CAMTA2: variants seen among roughly 807,000 people sequenced by gnomAD.
CAMTA2 encodes calmodulin-binding transcription activator 2.
A neutral mutation model predicts 135.7 loss-of-function variants in CAMTA2; 56 were observed. The observed-to-expected ratio is 0.41, with a 90% CI of 0.33 to 0.52. The LOEUF (loss-of-function observed/expected upper bound fraction) is 0.52, where lower values mean the gene tolerates loss of function less well. Ranked by LOEUF, CAMTA2 falls within the 20% of genes least tolerant of loss-of-function variation. CAMTA2 has a pLI of 0.16. For synonymous variants in CAMTA2, 591 were observed against 604.6 expected, an observed-to-expected ratio of 0.98 and a Z score of 0.33; for missense variants, 1,358 against 1,553.4, an observed-to-expected ratio of 0.87 and a Z score of 2.11.
chr17:4,976,638 T>A (rs1597748119), intron 11 of CAMTA2, among the ~76,000 whole-genome samples: 1 of 151,954 alleles, frequency 6.6e-6, no homozygotes, highest in South Asian at 2.1e-4. Context: ...GAGGTGGAGG[T>A]TGCAGTGACC....
intron 15 of CAMTA2, 64 bp from the exon 16 acceptor site, chr17:4,972,600 T>C (rs1972365714): frequency 6.5e-7 from 1 of 1,533,968 alleles, no homozygotes; most frequent in African/African-American, 1.4e-5. Flanking sequence ...TCAAGTCTCC[T>C]GCCTTCCCCA....
At position 4,969,161 on chromosome 17, in the gene CAMTA2, A is replaced by T; in HGVS notation, c.3459T>A (p.Pro1153=). The part of the protein sequence containing the change: ...GPPHRTSATL[P]ARNKGSFLTK... ...GGGCTGGGCCCTACTTGTTGCGGGC[A>T]GGCAGGGTGGCCGAAGTCCGGTGGG... The change falls in exon 21 of 23, where the codon CCT becomes CCA. Residue 1153 remains proline, a synonymous_variant. Transcript: ENST00000348066. This position sits in a 1 kb window ranked among gnomAD's most constrained non-coding sequence, Gnocchi z 5.6. 6.2e-7 allele frequency: 1 copy of T among 1,607,526 alleles called. No individual in the cohort carries two copies. The highest frequency in any genetic ancestry group is 8.5e-7 in the Non-Finnish European group (1 of 1,178,226).
chr17:4,980,230 A>G lies in CAMTA2; in HGVS notation c.1092T>C (p.Pro364=). The part of the protein sequence containing the change: ...MSLAVVVGTE[P]SAPPAPPSPA... ...GACTGGGAGGAGCTGGTGGGGCAGA[A>G]GGCTCAGTGCCTACAACCACTGCCA... Residue 364 remains proline, a synonymous_variant, in exon 9 of 23, where the codon CCT becomes CCC. Transcript: ENST00000348066. The surrounding 1 kb of genome is among the most constrained non-coding windows in gnomAD (Gnocchi z 5.3). 1 of 1,577,592 alleles carries G rather than the reference A, an allele frequency of 6.3e-7. No homozygotes were observed. Among genetic ancestry groups the G allele is most frequent in the Non-Finnish European group, 8.6e-7 (1 of 1,160,572 alleles).
chr17:4,986,986 C>A, intron 1 of CAMTA2: 2 of 1,470,272 alleles, frequency 1.4e-6, no homozygotes, highest in Non-Finnish European at 1.8e-6. Context: ...GCCTGAGCCC[C>A]CCGCCCTCCT....
Position 4,969,831 on chromosome 17 carries a change from CA to C in CAMTA2, c.3189+70del. The C allele has an allele frequency of 6.3e-7, 1 of 1,597,050 alleles. No individual in the cohort carries two copies. Among genetic ancestry groups the C allele is most frequent in the Non-Finnish European group, 8.6e-7 (1 of 1,167,228 alleles). On this transcript the variant is annotated intron_variant, in intron 18 of 22. Transcript: ENST00000348066. The surrounding 1 kb of genome is among the most constrained non-coding windows in gnomAD (Gnocchi z 5.6). ...CCTGTCTGCACGACTACTCATCCTC[CA>C]AAAGCCCTGGGAGCCCAGTCTCCCC...
In CAMTA2 at chr17:4,968,489, C is replaced by A; in HGVS notation, c.*267G>T. On this transcript the variant is annotated 3_prime_UTR_variant, in exon 23 of 23. Coordinates refer to ENST00000348066, the MANE Select transcript of CAMTA2 (RefSeq NM_015099.4). ...GGAGGAGCTGGGGAGCAGGGGCAGG[C>A]AGGGCTCCGGAGGTCACAGCGGAAG... 1.8e-6 allele frequency: 1 copy of A among 564,826 alleles called. No individual in the cohort carries two copies. The highest frequency in any genetic ancestry group is 3.2e-6 in the Non-Finnish European group (1 of 315,362). The allele number at this position is 564,826 out of a possible 1,614,324, so 35.0% of individuals were successfully genotyped here. A position where few individuals can be genotyped will look rare whatever the true frequency, so the allele number is the denominator to read the frequency against.
Position 4,979,679 on chromosome 17 carries a change from C to G in CAMTA2, c.1638+5G>C. ...GAGGAGGGAGGAGGTAAGCCTGAGT[C>G]TCACCTCTGGGTAGGACCACTCTGG... On this transcript the variant is annotated splice_donor_5th_base_variant and intron_variant, in intron 9 of 22. Transcript: ENST00000348066. 1 of 1,601,528 alleles carries G rather than the reference C, an allele frequency of 6.2e-7. No individual in the cohort carries two copies. The highest frequency in any genetic ancestry group is 8.5e-7 in the Non-Finnish European group (1 of 1,170,530).
chr17:4,986,017 T>G lies in CAMTA2; in HGVS notation c.32-34A>C, dbSNP rs1284063954. On this transcript the variant is annotated intron_variant, in intron 2 of 22. Coordinates refer to ENST00000348066, the MANE Select transcript of CAMTA2 (RefSeq NM_015099.4). ...AATTAGAAGGGAGGGTTTAGTGTGC[T>G]ACCCTGGGGCATCCCTGTGATAGTC... The G allele has an allele frequency of 6.2e-6, 9 of 1,453,966 alleles. No homozygotes were observed. The African/African-American group carries it at 8.4e-5, about 14-fold the overall frequency. The allele number at this position is 1,453,966 out of a possible 1,614,324, so 90.1% of individuals were successfully genotyped here.
chr17:4,984,097 C>T (rs1387807533), intron 3 of CAMTA2, among the ~76,000 whole-genome samples: 3 of 152,098 alleles, frequency 2.0e-5, no homozygotes, highest in African/African-American at 2.4e-5. Context: ...ACTACAGGCG[C>T]CCACGACCAC....
At position 4,968,245 on chromosome 17, in the gene CAMTA2, CCT is replaced by C. The variant is rs1218538441; in HGVS notation, c.*509_*510del. Reference sequence around the variant, plus strand: ...CTATGTACACCACCTCCCCTTCGGCCCTGAGGTCAGTGGCCAGAGTCGGGTGA... The same window carrying C: ...CTATGTACACCACCTCCCCTTCGGCCGAGGTCAGTGGCCAGAGTCGGGTGA... On this transcript the variant is annotated 3_prime_UTR_variant, in exon 23 of 23. Transcript: ENST00000348066. 7.7e-6 allele frequency: 2 copies of C among 261,100 alleles called. No homozygotes were observed. Among genetic ancestry groups the C allele is most frequent in the Admixed American group, 1.0e-4 (2 of 19,948 alleles). 16.2% of individuals were successfully genotyped at this position (261,100 alleles called of 1,614,324 possible). A position where few individuals can be genotyped will look rare whatever the true frequency, so the allele number is the denominator to read the frequency against.
intron 11 of CAMTA2, 138 bp downstream of exon 11, chr17:4,976,920 T>C: frequency 1.3e-6 from 1 of 788,486 alleles, no homozygotes; most frequent in Non-Finnish European, 2.0e-6. Flanking sequence ...TAGAAATCAC[T>C]AATGAAATAG....
intron 11 of CAMTA2, among the ~76,000 whole-genome samples, chr17:4,976,029 G>A (rs1243133288): frequency 2.0e-5 from 3 of 151,592 alleles, no homozygotes; most frequent in African/African-American, 7.3e-5. Context: ...TTTTTGAGAC[G>A]GAGTCTCGCT....
chr17:4,968,567 G>A lies in CAMTA2; in HGVS notation c.*189C>T. 3.2e-6 allele frequency: 2 copies of A among 634,550 alleles called. No individual in the cohort carries two copies. The highest frequency in any genetic ancestry group is 2.8e-6 in the Non-Finnish European group (1 of 361,670). The allele number at this position is 634,550 out of a possible 1,614,324, so 39.3% of individuals were successfully genotyped here. On this transcript the variant is annotated 3_prime_UTR_variant, in exon 23 of 23. Transcript: ENST00000348066. ...TGGAGCCAGGACCAAAAGAGACGGG[G>A]CACGACCAGGAGGGACGAGGAGAGG... is the stretch of plus-strand genomic sequence containing the variant.
Position 4,985,916 on chromosome 17 carries a change from C to G in CAMTA2, c.99G>C (p.Leu33=). 1 of 1,613,996 alleles carries G rather than the reference C, an allele frequency of 6.2e-7. No homozygotes were observed. Among genetic ancestry groups the G allele is most frequent in the Non-Finnish European group, 8.5e-7 (1 of 1,179,882 alleles). ...KLLECLPRCP[L]LPPERLRWNT... ...TCCACCGTAGCCTCTCTGGAGGCAG[C>G]AGCGGGCAGCGAGGAAGACACTCCA... is the stretch of plus-strand genomic sequence containing the variant. The change falls in exon 3 of 23, where the codon CTG becomes CTC. Residue 33 remains leucine (L), a synonymous_variant. Transcript: ENST00000348066.
At chr17:4,973,556 C>T in intron 13 of CAMTA2, 29 bp downstream of exon 13, 1 of 1,592,760 alleles carries the variant, frequency 6.3e-7, no homozygotes, top group Non-Finnish European at 8.5e-7. Context: ...CAGAGGCTGC[C>T]CAGCCCTCAC....
intron 13 of CAMTA2, 57 bp downstream of exon 13, chr17:4,973,528 C>T (rs1597737380): frequency 1.3e-6 from 2 of 1,526,356 alleles, no homozygotes; most frequent in African/African-American, 1.4e-5. Flanking sequence ...CCTCTTCAGT[C>T]CCCTGACACT....
At chr17:4,986,736 G>C in intron 1 of CAMTA2, 1 of 555,648 alleles carries the variant, frequency 1.8e-6, no homozygotes, top group East Asian at 3.3e-5. Context: ...GACACGCCCT[G>C]AGTTCCTTCT....
In CAMTA2 at chr17:4,978,554, G is replaced by A. The variant is rs781426587; in HGVS notation, c.1715C>T (p.Ala572Val). 2.5e-6 allele frequency: 4 copies of A among 1,614,054 alleles called. No individual in the cohort carries two copies. Among genetic ancestry groups the A allele is most frequent in the East Asian group, 2.2e-5 (1 of 44,906 alleles). The stretch of plus-strand genomic sequence containing the variant: ...AGGCTGGACAAGTGAGGCTGGCACT[G>A]CGATGTGATCAAAGACACAGGAGTA... ...EHYSCVFDHI[A>V]VPASLVQPGV... Residue 572 changes from alanine to valine, a missense_variant, in exon 10 of 23, where the codon GCA becomes GTA. By Grantham distance (64) the Ala-to-Val change is moderately conservative. Coordinates refer to ENST00000348066, the MANE Select transcript of CAMTA2 (RefSeq NM_015099.4).
chr17:4,984,883 G>T (rs1378454892), intron 3 of CAMTA2, among the ~76,000 whole-genome samples: 1 of 152,192 alleles, frequency 6.6e-6, no homozygotes, highest in Non-Finnish European at 1.5e-5. Flanking sequence ...GCCAGGTGTG[G>T]TGGCGTGCCT....
Sources: gnomAD v4.1 joint callset for allele counts (sites outside exome capture counted in the v4.1 genomes callset) on GRCh38, gnomAD v4.1.1 for gene constraint, Gnocchi (gnomAD v3.1) non-coding constraint, MANE v1.5 for transcripts, NCBI Gene and HGNC (gene_info 2026-07-23, HGNC 2026-07-21) for gene names.